The following PLXNA4 variants were observed in gnomAD, a reference collection of about 807,000 sequenced individuals.
PLXNA4 encodes plexin A4.
In PLXNA4, 44 loss-of-function variants were observed where a neutral mutation model predicts 191.8. That is an observed-to-expected ratio of 0.23 (90% confidence interval 0.18 to 0.29). The LOEUF (loss-of-function observed/expected upper bound fraction) is 0.29. PLXNA4 is among the 10% of genes least tolerant of loss of function. The probability of loss-of-function intolerance (pLI) is 1.00; values close to 1 mark genes in which losing one functional copy is unlikely to be tolerated. For missense variants in PLXNA4, 1,800 were observed against 2,488.8 expected (o/e 0.72, Z 5.89); for synonymous variants, 1,082 against 1,009.5 (o/e 1.07, Z -1.36).
intron 2 of PLXNA4, among the ~76,000 whole-genome samples, chr7:132,600,179 A>T (rs927929560): frequency 2.6e-5 from 4 of 152,158 alleles, no homozygotes; most frequent in African/African-American, 7.2e-5. Context: ...AACTATACTA[A>T]CTTCAACTTT....
intron 25 of PLXNA4, among the ~76,000 whole-genome samples, chr7:132,156,523 G>A (rs1795803325): frequency 6.6e-6 from 1 of 152,176 alleles, no homozygotes; most frequent in Admixed American, 6.5e-5. Flanking sequence ...CCGTGCCAGG[G>A]GCTGGGCATC....
chr7:132,630,222 C>T (rs111860909), intron 2 of PLXNA4, among the ~76,000 whole-genome samples: 2 of 152,270 alleles, frequency 1.3e-5, no homozygotes, highest in African/African-American at 4.8e-5. Flanking sequence ...TTTAACCTTA[C>T]TTGTCTCCTA....
intron 2 of PLXNA4, among the ~76,000 whole-genome samples, chr7:132,587,618 C>T (rs745502053): frequency 5.9e-5 from 9 of 152,056 alleles, no homozygotes; most frequent in South Asian, 2.1e-4. Context: ...TAGGTGGAAC[C>T]GGAATGCTTT....
At chr7:132,234,974 G>C (rs1188717170) in intron 5 of PLXNA4, among the ~76,000 whole-genome samples, 1 of 152,204 alleles carries the variant, frequency 6.6e-6, no homozygotes, top group African/African-American at 2.4e-5. Context: ...AGATAGCAAG[G>C]CTGTGGGATG....
intron 4 of PLXNA4, among the ~76,000 whole-genome samples, chr7:132,280,240 A>C (rs748221500): frequency 6.6e-6 from 1 of 152,176 alleles, no homozygotes; most frequent in Non-Finnish European, 1.5e-5. Flanking sequence ...TGGAAGGTAA[A>C]TGTGGAGAAA....
chr7:132,612,663 CAA>C lies in PLXNA4; in HGVS notation c.-87+33263_-87+33264del, dbSNP rs71529768. Among the ~76,000 whole-genome samples, 145 of 68,386 alleles carry C rather than the reference CAA, an allele frequency of 2.1e-3. No individual in the cohort carries two copies. The East Asian group carries it at 0.033, about 16-fold the overall frequency. The allele number at this position is 68,386 out of a possible 152,430, so 44.9% of individuals were successfully genotyped here. A position where few individuals can be genotyped will look rare whatever the true frequency, so the allele number is the denominator to read the frequency against. ...TGGGCAACAGAAAGAGTCTCCATCT[CAA>C]AAAAAAAAAAAAAAAAAAAGTCCTC... On this transcript the variant is annotated intron_variant, in intron 2 of 4. Coordinates refer to the PLXNA4 transcript ENST00000378539.
At position 132,176,397 on chromosome 7, in the gene PLXNA4, G is replaced by A. The variant is rs1042274479; in HGVS notation, c.3875-1477C>T. ...GGCATGTACTGTCACCAAAAGCCCT[G>A]GGGAACATTCATGTGTGTCCTGAGT... On this transcript the variant is annotated intron_variant, in intron 20 of 31. Transcript: ENST00000321063. Among the ~76,000 whole-genome samples the A allele has an allele frequency of 3.3e-5, 5 of 152,200 alleles. No homozygotes were observed. The East Asian group carries it at 5.8e-4, about 18-fold the overall frequency.
Position 132,298,188 on chromosome 7 carries a change from T to C in PLXNA4, c.1406A>G (p.Gln469Arg). ...GTCCACCACCTGCACCGTCTCATACTGGAGGGCGTTGCCCCTGGGTCCATC... is the reference window on the plus strand; with the variant it reads ...GTCCACCACCTGCACCGTCTCATACCGGAGGGCGTTGCCCCTGGGTCCATC... ...RVDGPRGNAL[Q>R]YETVQVVDPG... The change falls in exon 4 of 32, where the codon CAG becomes CGG. Residue 469 changes from glutamine (Q) to arginine (R), a missense_variant. Physicochemically the swap from Gln to Arg is conservative, Grantham distance 43. Coordinates refer to ENST00000321063, the MANE Select transcript of PLXNA4 (RefSeq NM_020911.2). 6.2e-7 allele frequency: 1 copy of C among 1,614,038 alleles called. No individual in the cohort carries two copies. The highest frequency in any genetic ancestry group is 8.5e-7 in the Non-Finnish European group (1 of 1,179,970).
At chr7:132,402,429 A>G (rs1473081066) in intron 3 of PLXNA4, among the ~76,000 whole-genome samples, 1 of 152,214 alleles carries the variant, frequency 6.6e-6, no homozygotes, top group Non-Finnish European at 1.5e-5. Context: ...AAAGAGCTTT[A>G]AGATACTCAA....
At chr7:132,421,796 C>A (rs1794860309) in intron 3 of PLXNA4, among the ~76,000 whole-genome samples, 1 of 152,106 alleles carries the variant, frequency 6.6e-6, no homozygotes, top group Non-Finnish European at 1.5e-5. Context: ...TAGAGATCCC[C>A]AAGAGCATCC....
intron 4 of PLXNA4, among the ~76,000 whole-genome samples, chr7:132,253,976 C>A (rs1180035085): frequency 2.6e-5 from 4 of 152,162 alleles, no homozygotes; most frequent in African/African-American, 9.6e-5. Flanking sequence ...GGTCCTAGGA[C>A]CTGGGCTGTA....
chr7:132,177,369 T>C (rs979590269), intron 20 of PLXNA4, among the ~76,000 whole-genome samples: 5 of 152,188 alleles, frequency 3.3e-5, no homozygotes, highest in African/African-American at 1.2e-4. Flanking sequence ...TGGCTTGCTG[T>C]GAAGTCTTCA....
At chr7:132,228,555 G>T (rs1309073440) in intron 5 of PLXNA4, 86 bp from the exon 6 acceptor site, 20 of 1,554,302 alleles carry the variant, frequency 1.3e-5, no homozygotes, top group Non-Finnish European at 1.7e-5. Context: ...GTTTCCAGCA[G>T]CTCCCAGGAT....
intron 3 of PLXNA4, among the ~76,000 whole-genome samples, chr7:132,483,009 A>T (rs1008652170): frequency 6.6e-6 from 1 of 152,154 alleles, no homozygotes; most frequent in Non-Finnish European, 1.5e-5. Context: ...TCTTTTAAAA[A>T]GTCACCATGG....
intron 3 of PLXNA4, among the ~76,000 whole-genome samples, chr7:132,449,523 G>A (rs546396826): frequency 1.3e-5 from 2 of 152,268 alleles, no homozygotes; most frequent in East Asian, 1.9e-4. Context: ...AGAGATGAAC[G>A]GACAGATCCT....
At chr7:132,270,622 T>A (rs1800030861) in intron 4 of PLXNA4, among the ~76,000 whole-genome samples, 1 of 152,208 alleles carries the variant, frequency 6.6e-6, no homozygotes, top group Non-Finnish European at 1.5e-5. Flanking sequence ...TGCAATACCT[T>A]GTGTTGTATA....
At chr7:132,346,200 A>G (rs544777834) in intron 3 of PLXNA4, among the ~76,000 whole-genome samples, 1 of 152,348 alleles carries the variant, frequency 6.6e-6, no homozygotes, top group East Asian at 1.9e-4. Flanking sequence ...GCCTCATAAA[A>G]TAATGCTAAC....
chr7:132,219,237 C>T (rs565895451), intron 9 of PLXNA4, among the ~76,000 whole-genome samples: 5 of 152,280 alleles, frequency 3.3e-5, no homozygotes, highest in Non-Finnish European at 5.9e-5. Context: ...TTGGGCTGGA[C>T]GTTCAGTGGA....
At chr7:132,405,245 TAA>T (rs964153667) in intron 3 of PLXNA4, among the ~76,000 whole-genome samples, 1 of 152,064 alleles carries the variant, frequency 6.6e-6, no homozygotes, top group Non-Finnish European at 1.5e-5. Flanking sequence ...CCTTGGTGAT[TAA>T]AAGTCTGGGT....
Sources: gnomAD v4.1 joint callset for allele counts (sites outside exome capture counted in the v4.1 genomes callset) on GRCh38, gnomAD v4.1.1 for gene constraint, MANE v1.5 for transcripts, NCBI Gene and HGNC (gene_info 2026-07-23, HGNC 2026-07-21) for gene names.